Variants in ACACB observed in about 807,000 individuals in gnomAD.
ACACB encodes the protein acetyl-CoA carboxylase beta.
Under a neutral mutation model 278.8 loss-of-function variants are expected in ACACB, and 209 were observed. The observed-to-expected ratio is 0.75, with a 90% CI of 0.67 to 0.84. ACACB has a LOEUF of 0.84. Among genes scored for constraint, ACACB ranks in the 40% least tolerant of loss-of-function variants. The pLI is 0.00. For missense variants in ACACB, 2,850 were observed against 3,269.0 expected (o/e 0.87, Z 3.13); for synonymous variants, 1,174 against 1,285.6 (o/e 0.91, Z 1.86).
chr12:109,135,977 A>T (rs765084994), intron 1 of ACACB, among the ~76,000 whole-genome samples: 187 of 151,366 alleles, frequency 1.2e-3, no homozygotes, highest in Non-Finnish European at 2.4e-3. Context: ...GCCTGGCTAA[A>T]TTTTTTTGTA....
At chr12:109,234,127 AGGCAGGCGTGCTGAGTACTTCAG>A in intron 31 of ACACB, 82 bp downstream of exon 31, 1 of 1,187,114 alleles carries the variant, frequency 8.4e-7, no homozygotes, top group Middle Eastern at 2.7e-4. Context: ...GCCCTTGGGG[AGGCAGGCGTGCTGAGTACTTCAG>A]AGCCACAGAC....
chr12:109,139,269 A>C (rs2043040937), intron 1 of ACACB, 128 bp from the exon 2 acceptor site: 1 of 832,234 alleles, frequency 1.2e-6, no homozygotes, highest in South Asian at 1.8e-5. Flanking sequence ...GGAGAACCCC[A>C]TCTCTCCCCT....
In ACACB at chr12:109,209,904, TACAC is replaced by T. The variant is rs1293121062; in HGVS notation, c.3249+556_3249+559del. 9.9e-5 allele frequency among the ~76,000 whole-genome samples: 9 copies of T among 91,270 alleles called. 2 individuals are homozygous for T. Among genetic ancestry groups the T allele is most frequent in the East Asian group, 7.4e-4 (2 of 2,720 alleles). 59.9% of individuals were successfully genotyped at this position (91,270 alleles called of 152,430 possible). A position where few individuals can be genotyped will look rare whatever the true frequency, so the allele number is the denominator to read the frequency against. ...GTGTGTATATATGTATATACACACATACACACACGTGTGTATATATGTGTATACA... is the reference window on the plus strand; with the variant it reads ...GTGTGTATATATGTATATACACACATACACGTGTGTATATATGTGTATACA... On this transcript the variant is annotated intron_variant, in intron 21 of 52. Coordinates refer to ENST00000338432, the MANE Select transcript of ACACB (RefSeq NM_001093.4).
intron 16 of ACACB, among the ~76,000 whole-genome samples, chr12:109,195,951 G>A (rs888183684): frequency 3.3e-5 from 5 of 152,070 alleles, no homozygotes; most frequent in African/African-American, 1.2e-4. Context: ...TATCAGACAG[G>A]GCAGATCTAA....
Position 109,265,189 on chromosome 12 carries a change from A to G in ACACB, c.7022A>G (p.Gln2341Arg). The change falls in exon 51 of 53, where the codon CAG (glutamine) becomes CGG (arginine). Residue 2341 changes from glutamine to arginine, a missense_variant. Gln to Arg is a conservative substitution (Grantham distance 43, BLOSUM62 1). Transcript: ENST00000338432. ...RRLLLEDQVK[Q>R]EILQASGELS... ...CTCCTCCTGGAGGACCAGGTCAAGC[A>G]GGAGATCCTGCAGGCCAGCGGGGAG... The G allele has an allele frequency of 5.0e-6, 8 of 1,613,868 alleles. No individual in the cohort carries two copies. The highest frequency in any genetic ancestry group is 6.8e-6 in the Non-Finnish European group (8 of 1,180,028).
intron 1 of ACACB, among the ~76,000 whole-genome samples, chr12:109,118,894 T>C (rs2042471066): frequency 6.6e-6 from 1 of 152,200 alleles, no homozygotes; most frequent in Admixed American, 6.5e-5. Flanking sequence ...GCAGTGATAA[T>C]AGTAAATTTA....
chr12:109,211,931 C>T (rs2045861300), intron 21 of ACACB, among the ~76,000 whole-genome samples: 1 of 151,992 alleles, frequency 6.6e-6, no homozygotes, highest in Admixed American at 6.6e-5. Flanking sequence ...ATTTTTGATG[C>T]CAAAGGCAAT....
chr12:109,123,042 G>A (rs972079531), intron 1 of ACACB, among the ~76,000 whole-genome samples: 10 of 152,054 alleles, frequency 6.6e-5, no homozygotes, highest in East Asian at 1.9e-4. Context: ...TTAGCCGGGC[G>A]TGGTGGCAGG....
intron 18 of ACACB, among the ~76,000 whole-genome samples, chr12:109,200,809 A>G (rs1227523366): frequency 6.6e-6 from 1 of 152,230 alleles, no homozygotes; most frequent in Non-Finnish European, 1.5e-5. Flanking sequence ...GCTACTGCAT[A>G]TTGACCTGCT....
At chr12:109,162,063 G>A (rs774761175) in intron 2 of ACACB, among the ~76,000 whole-genome samples, 1 of 150,512 alleles carries the variant, frequency 6.6e-6, no homozygotes, top group Non-Finnish European at 1.5e-5. Context: ...TGCAACCTCT[G>A]CCTCCCGGGT....
At chr12:109,227,238 C>T in intron 27 of ACACB, 133 bp from the exon 28 acceptor site, 1 of 796,582 alleles carries the variant, frequency 1.3e-6, no homozygotes, top group Non-Finnish European at 2.0e-6. Flanking sequence ...GCCTGAGCCA[C>T]TGCACCCGGC....
chr12:109,141,527 C>T (rs1196536935), intron 2 of ACACB, among the ~76,000 whole-genome samples: 1 of 152,216 alleles, frequency 6.6e-6, no homozygotes, highest in African/African-American at 2.4e-5. Context: ...AGAGGGAAAC[C>T]TCTGTTCTCA....
chr12:109,242,755 A>G, intron 37 of ACACB, 163 bp downstream of exon 37: 1 of 757,090 alleles, frequency 1.3e-6, no homozygotes, highest in Non-Finnish European at 2.0e-6. Context: ...CGGGAGGCCG[A>G]GGAGGGAGGA....
intron 19 of ACACB, among the ~76,000 whole-genome samples, chr12:109,202,691 T>G (rs541266967): frequency 1.8e-4 from 28 of 152,340 alleles, no homozygotes; most frequent in African/African-American, 6.7e-4. Flanking sequence ...ATTTGTCATA[T>G]TTAATGAACC....
Position 109,199,447 on chromosome 12 carries a change from G to A in ACACB, c.2673G>A (p.Glu891=). 1.3e-6 allele frequency: 2 copies of A among 1,549,066 alleles called. No homozygotes were observed. The highest frequency in any genetic ancestry group is 1.4e-5 in the African/African-American group (1 of 71,802). The change falls in exon 18 of 53, where the codon GAG becomes GAA. Residue 891 remains glutamate, a synonymous_variant. Coordinates refer to ENST00000338432, the MANE Select transcript of ACACB (RefSeq NM_001093.4). ...ATAAGACGTGTGTGTTTGAGAAGGA[G>A]AACGATCCTACAGTCCTGAGATCCC... ...IGNKTCVFEK[E]NDPTVLRSPS... is the part of the protein sequence containing the mutation.
At chr12:109,116,750 G>A (rs978254366) in intron 1 of ACACB, 46 bp downstream of exon 1, 2 of 152,158 alleles carry the variant, frequency 1.3e-5, no homozygotes, top group Non-Finnish European at 2.9e-5. Context: ...TTCTGCCAAC[G>A]TCCAGGTAAA....
chr12:109,252,974 G>A (rs1320275560), intron 42 of ACACB, 41 bp from the exon 43 acceptor site: 1 of 1,535,992 alleles, frequency 6.5e-7, no homozygotes, highest in Non-Finnish European at 8.8e-7. Context: ...GTAGAGCCCT[G>A]CACCGTGCAG....
At chr12:109,134,288 G>A (rs1486971841) in intron 1 of ACACB, among the ~76,000 whole-genome samples, 1 of 152,194 alleles carries the variant, frequency 6.6e-6, no homozygotes, top group African/African-American at 2.4e-5. Flanking sequence ...GATGGACTGG[G>A]CAAAGAGCCC....
In ACACB at chr12:109,176,389, T is replaced by C; in HGVS notation, c.1437+126T>C. ...CATTTGTAGGAGCTGGATGTATCGTTGTATCGTATTTTGCAACAAACGCGT... is the reference window on the plus strand; with the variant it reads ...CATTTGTAGGAGCTGGATGTATCGTCGTATCGTATTTTGCAACAAACGCGT... On this transcript the variant is annotated intron_variant, in intron 9 of 52. Transcript: ENST00000338432. The C allele has an allele frequency of 3.5e-6, 3 of 865,892 alleles. No homozygotes were observed. The Admixed American group carries it at 6.7e-5, about 19-fold the overall frequency. The allele number at this position is 865,892 out of a possible 1,614,324, so 53.6% of individuals were successfully genotyped here.
Sources: allele counts gnomAD v4.1 joint callset (sites outside exome capture counted in the v4.1 genomes callset), GRCh38; gene constraint gnomAD v4.1.1; transcripts MANE v1.5; gene names NCBI Gene and HGNC (gene_info 2026-07-23, HGNC 2026-07-21).